Variants in THSD7B observed in about 807,000 individuals in gnomAD.
The protein encoded by THSD7B is thrombospondin type-1 domain-containing protein 7B.
Under a neutral mutation model 213.6 loss-of-function variants are expected in THSD7B, and 138 were observed. That is an observed-to-expected ratio of 0.65 (90% confidence interval 0.56 to 0.74). The LOEUF (loss-of-function observed/expected upper bound fraction) is 0.74. Ranked by LOEUF, THSD7B falls within the 30% of genes least tolerant of loss-of-function variation. The pLI is 0.00. For synonymous variants in THSD7B, 742 were observed against 687.0 expected, an observed-to-expected ratio of 1.08 and a Z score of -1.25; for missense variants, 1,931 against 1,991.5, an observed-to-expected ratio of 0.97 and a Z score of 0.58.
At chr2:137,498,080 A>G (rs1322631380) in intron 15 of THSD7B, among the ~76,000 whole-genome samples, 1 of 152,206 alleles carries the variant, frequency 6.6e-6, no homozygotes, top group African/African-American at 2.4e-5. Flanking sequence ...AGGCATATGG[A>G]ACTTTCCCTT....
chr2:137,623,545 G>T (rs1435554996), intron 20 of THSD7B, among the ~76,000 whole-genome samples: 1 of 152,166 alleles, frequency 6.6e-6, no homozygotes, highest in African/African-American at 2.4e-5. Context: ...AATTGTCCCT[G>T]TTTGCAGATG....
intron 1 of THSD7B, among the ~76,000 whole-genome samples, chr2:136,833,461 T>C (rs1682793489): frequency 1.5e-5 from 2 of 131,982 alleles, no homozygotes; most frequent in Non-Finnish European, 3.2e-5. Flanking sequence ...ATTAACTGTT[T>C]GGTACTTTTA....
chr2:137,263,900 G>C (rs1312240735), intron 10 of THSD7B, among the ~76,000 whole-genome samples: 1 of 152,112 alleles, frequency 6.6e-6, no homozygotes, highest in African/African-American at 2.4e-5. Context: ...TGAACAAAGA[G>C]AGAACATACT....
At chr2:136,841,244 C>T (rs1682914426) in intron 1 of THSD7B, among the ~76,000 whole-genome samples, 1 of 152,122 alleles carries the variant, frequency 6.6e-6, no homozygotes, top group Non-Finnish European at 1.5e-5. Context: ...ATATATTTTA[C>T]TTGTTTACAC....
chr2:136,979,940 C>T (rs924200055), intron 2 of THSD7B, among the ~76,000 whole-genome samples: 2 of 152,074 alleles, frequency 1.3e-5, no homozygotes, highest in African/African-American at 2.4e-5. Context: ...TGACTTTTGG[C>T]TGGCATTTTT....
At chr2:137,647,995 C>T (rs564667236) in intron 21 of THSD7B, among the ~76,000 whole-genome samples, 1 of 152,240 alleles carries the variant, frequency 6.6e-6, no homozygotes, top group African/African-American at 2.4e-5. Flanking sequence ...TGAAGTTATC[C>T]AAATATCTAA....
At chr2:136,903,440 T>TTTGC (rs1192468131) in intron 2 of THSD7B, among the ~76,000 whole-genome samples, 6 of 152,198 alleles carry the variant, frequency 3.9e-5, no homozygotes, top group Non-Finnish European at 8.8e-5. Flanking sequence ...CTGTTGTTTG[T>TTTGC]TTGCTTGCTT....
intron 1 of THSD7B, among the ~76,000 whole-genome samples, chr2:136,822,131 G>C (rs1199445736): frequency 6.6e-6 from 1 of 152,104 alleles, no homozygotes; most frequent in East Asian, 1.9e-4. Flanking sequence ...TTATAAAGAG[G>C]AGGTTCAGTC....
intron 12 of THSD7B, among the ~76,000 whole-genome samples, chr2:137,300,790 A>C (rs1683579884): frequency 6.6e-6 from 1 of 152,164 alleles, no homozygotes; most frequent in South Asian, 2.1e-4. Context: ...GCTGGAATAT[A>C]GGACAAGAAA....
At chr2:137,100,168 C>T (rs1365193737) in intron 4 of THSD7B, among the ~76,000 whole-genome samples, 1 of 151,974 alleles carries the variant, frequency 6.6e-6, no homozygotes, top group Non-Finnish European at 1.5e-5. Context: ...ATATTGAAGC[C>T]AGGGATAGTG....
At position 136,849,629 on chromosome 2, in the gene THSD7B, T is replaced by G. The variant is rs552626184; in HGVS notation, c.-35-32515T>G. On this transcript the variant is annotated intron_variant, in intron 1 of 27. Coordinates refer to ENST00000409968, the MANE Select transcript of THSD7B (RefSeq NM_001316349.2). ...GGGGAGTCTGATATATATCCATTAGTGCATTATAGCAGTAAATATAGCCTT... is the reference window on the plus strand; with the variant it reads ...GGGGAGTCTGATATATATCCATTAGGGCATTATAGCAGTAAATATAGCCTT... 5.3e-5 allele frequency among the ~76,000 whole-genome samples: 8 copies of G among 152,226 alleles called. No individual in the cohort carries two copies. In the East Asian group the frequency reaches 1.5e-3, roughly 29 times the overall value.
At chr2:137,511,444 TC>T (rs1238960427) in intron 15 of THSD7B, among the ~76,000 whole-genome samples, 2 of 152,130 alleles carry the variant, frequency 1.3e-5, no homozygotes, top group Admixed American at 1.3e-4. Flanking sequence ...CAGTTTCAGG[TC>T]CCCCCTGCAA....
rs1462514959 is a variant in THSD7B at position 137,038,277 on chromosome 2, CT to C, written c.140-18141del. Reference sequence around the variant, plus strand: ...TTCTTGAAGAGATTTTTTAAAACATCTTATTAAAACTTCTTCATTCAAAATC... The same window carrying C: ...TTCTTGAAGAGATTTTTTAAAACATCTATTAAAACTTCTTCATTCAAAATC... On this transcript the variant is annotated intron_variant, in intron 2 of 27. Coordinates refer to ENST00000409968, the MANE Select transcript of THSD7B (RefSeq NM_001316349.2). Among the ~76,000 whole-genome samples the C allele has an allele frequency of 2.0e-5, 3 of 152,050 alleles. No individual in the cohort carries two copies. In the East Asian group the frequency reaches 5.8e-4, roughly 29 times the overall value.
intron 2 of THSD7B, among the ~76,000 whole-genome samples, chr2:137,025,610 A>T (rs930640483): frequency 6.6e-6 from 1 of 152,124 alleles, no homozygotes; most frequent in Non-Finnish European, 1.5e-5. Context: ...AGGGTCCCAG[A>T]TGCTGTGCAT....
intron 14 of THSD7B, among the ~76,000 whole-genome samples, chr2:137,449,453 C>G (rs1007363873): frequency 6.6e-6 from 1 of 152,224 alleles, no homozygotes; most frequent in Non-Finnish European, 1.5e-5. Flanking sequence ...GACAGCTTCT[C>G]TGGATTCTCT....
At chr2:136,844,241 A>T (rs924540510) in intron 1 of THSD7B, among the ~76,000 whole-genome samples, 1 of 152,184 alleles carries the variant, frequency 6.6e-6, no homozygotes, top group Admixed American at 6.6e-5. Context: ...GAAGCCAATC[A>T]GTGGACAATG....
chr2:137,271,241 C>T (rs1225377704), intron 10 of THSD7B, among the ~76,000 whole-genome samples: 1 of 151,180 alleles, frequency 6.6e-6, no homozygotes, highest in Non-Finnish European at 1.5e-5. Flanking sequence ...CCCATGTGCT[C>T]ACACCCAGAG....
chr2:137,545,243 A>T (rs1248192812), intron 15 of THSD7B, among the ~76,000 whole-genome samples: 1 of 151,910 alleles, frequency 6.6e-6, no homozygotes, highest in Non-Finnish European at 1.5e-5. Context: ...GAATTCTCTT[A>T]AAGTTTCTAA....
At chr2:136,904,424 G>T (rs1684120405) in intron 2 of THSD7B, among the ~76,000 whole-genome samples, 1 of 152,184 alleles carries the variant, frequency 6.6e-6, no homozygotes, top group Non-Finnish European at 1.5e-5. Flanking sequence ...CCACTGGAAG[G>T]GTTTCTACTC....
Sources: allele counts gnomAD v4.1 joint callset (sites outside exome capture counted in the v4.1 genomes callset), GRCh38; gene constraint gnomAD v4.1.1; transcripts MANE v1.5; gene names NCBI Gene and HGNC (gene_info 2026-07-23, HGNC 2026-07-21).